Variants in NAALADL2 observed in about 807,000 individuals in gnomAD.
NAALADL2 encodes the protein inactive N-acetylated-alpha-linked acidic dipeptidase-like protein 2.
Under a neutral mutation model 87.2 loss-of-function variants are expected in NAALADL2, and 76 were observed. The ratio of observed to expected loss-of-function variants is 0.87; its 90% CI spans 0.72 to 1.05. The LOEUF is 1.05. NAALADL2 is among the 50% of genes least tolerant of loss of function. NAALADL2 has a pLI of 0.00. For missense variants in NAALADL2, 1,089 were observed against 945.8 expected, an observed-to-expected ratio of 1.15 and a Z score of -1.99; for synonymous variants, 354 against 331.0, an observed-to-expected ratio of 1.07 and a Z score of -0.75.
intron 1 of NAALADL2, among the ~76,000 whole-genome samples, chr3:174,515,590 A>C (rs1719893411): frequency 6.6e-6 from 1 of 151,934 alleles, no homozygotes; most frequent in Admixed American, 6.6e-5. Flanking sequence ...TATATTAATA[A>C]ATATTATAGA....
chr3:174,940,235 T>C lies in NAALADL2; in HGVS notation c.43+80785T>C, dbSNP rs1738372460. Among the ~76,000 whole-genome samples, 2 of 152,122 alleles carry C rather than the reference T, an allele frequency of 1.3e-5. 1 individual carries two copies. The highest frequency in any genetic ancestry group is 4.1e-4 in the South Asian group (2 of 4,828). On this transcript the variant is annotated intron_variant, in intron 1 of 13. Coordinates refer to ENST00000454872, the MANE Select transcript of NAALADL2 (RefSeq NM_207015.3). The stretch of plus-strand genomic sequence containing the variant: ...ATAACATGAAGGAGTGTTGAGTTTT[T>C]TCAAAAGCCTTTTATGCATCCATTG...
chr3:175,390,084 A>C (rs1051801385), intron 5 of NAALADL2, among the ~76,000 whole-genome samples: 2 of 152,108 alleles, frequency 1.3e-5, no homozygotes, highest in Non-Finnish European at 2.9e-5. Context: ...AAAAAATAGA[A>C]CTTTAAGAGC....
intron 1 of NAALADL2, among the ~76,000 whole-genome samples, chr3:174,885,113 C>T (rs1346179915): frequency 1.3e-5 from 2 of 152,086 alleles, no homozygotes; most frequent in Admixed American, 6.6e-5. Flanking sequence ...CCTCAGTGTC[C>T]CCATTGTCAT....
intron 3 of NAALADL2, among the ~76,000 whole-genome samples, chr3:174,739,378 C>T (rs562777983): frequency 1.1e-4 from 17 of 152,072 alleles, no homozygotes; most frequent in Admixed American, 5.9e-4. Context: ...ACAAGAAAAT[C>T]GGATGAAGAT....
chr3:174,786,888 A>G (rs1296508012), intron 3 of NAALADL2, among the ~76,000 whole-genome samples: 5 of 152,178 alleles, frequency 3.3e-5, no homozygotes, highest in African/African-American at 4.8e-5. Flanking sequence ...TATGAAATAA[A>G]TATAGATATT....
chr3:174,951,402 C>T (rs190505767), intron 1 of NAALADL2, among the ~76,000 whole-genome samples: 26 of 152,020 alleles, frequency 1.7e-4, no homozygotes, highest in Admixed American at 1.1e-3. Context: ...CTGACAGATA[C>T]GACTCAACTA....
chr3:175,059,105 C>T (rs117823524), intron 1 of NAALADL2, among the ~76,000 whole-genome samples: 4 of 152,296 alleles, frequency 2.6e-5, no homozygotes, highest in South Asian at 2.1e-4. Context: ...AATGACACTT[C>T]GTGTGAAGTC....
chr3:175,512,586 C>A (rs1003343327), intron 9 of NAALADL2, among the ~76,000 whole-genome samples: 1 of 151,938 alleles, frequency 6.6e-6, no homozygotes, highest in Non-Finnish European at 1.5e-5. Context: ...TCTGCTTTTC[C>A]ACGATTATTT....
intron 2 of NAALADL2, among the ~76,000 whole-genome samples, chr3:174,701,317 T>C (rs759571629): frequency 3.9e-5 from 6 of 151,938 alleles, no homozygotes; most frequent in Admixed American, 1.3e-4. Context: ...GTTGAGCAGA[T>C]GCCAGAGAAG....
chr3:175,656,316 T>G (rs2149800057), intron 11 of NAALADL2, among the ~76,000 whole-genome samples: 1 of 152,354 alleles, frequency 6.6e-6, no homozygotes, highest in African/African-American at 2.4e-5. Context: ...ATTTGTTTAA[T>G]ATCTAATTCT....
intron 2 of NAALADL2, among the ~76,000 whole-genome samples, chr3:175,119,968 A>G (rs754800418): frequency 6.6e-6 from 1 of 150,484 alleles, no homozygotes; most frequent in Non-Finnish European, 1.5e-5. Flanking sequence ...TGAGAGGGGA[A>G]AGGCCGGTGT....
At chr3:175,071,616 G>A (rs905655473) in intron 1 of NAALADL2, among the ~76,000 whole-genome samples, 5 of 151,976 alleles carry the variant, frequency 3.3e-5, no homozygotes. Flanking sequence ...GTGTGAGATT[G>A]TGTACCGTCC....
At chr3:175,623,854 T>G (rs1368290908) in intron 10 of NAALADL2, among the ~76,000 whole-genome samples, 1 of 151,374 alleles carries the variant, frequency 6.6e-6, no homozygotes, top group Non-Finnish European at 1.5e-5. Context: ...GATGGTTTGT[T>G]TTTTGTTTCT....
At chr3:174,758,659 G>T (rs1712467390) in intron 3 of NAALADL2, among the ~76,000 whole-genome samples, 1 of 152,146 alleles carries the variant, frequency 6.6e-6, no homozygotes. Context: ...ATCGACTGTG[G>T]GGTAGCAGAA....
chr3:174,932,578 T>C (rs934679571), intron 1 of NAALADL2, among the ~76,000 whole-genome samples: 1 of 152,116 alleles, frequency 6.6e-6, no homozygotes, highest in Non-Finnish European at 1.5e-5. Context: ...ATGGGTGAAT[T>C]GCTGGGCTTT....
At chr3:174,643,714 T>C (rs1723491835) in intron 2 of NAALADL2, among the ~76,000 whole-genome samples, 1 of 152,196 alleles carries the variant, frequency 6.6e-6, no homozygotes, top group African/African-American at 2.4e-5. Context: ...GGAAATACCA[T>C]TTTGAGCATG....
chr3:175,751,412 A>T (rs1040350303), intron 12 of NAALADL2, among the ~76,000 whole-genome samples: 3 of 152,130 alleles, frequency 2.0e-5, no homozygotes, highest in Admixed American at 2.0e-4. Flanking sequence ...CTGAGAAAAA[A>T]AAAGTCAGTA....
intron 11 of NAALADL2, among the ~76,000 whole-genome samples, chr3:175,636,877 C>A (rs2184209): frequency 0.25 from 37,801 of 151,900 alleles, 5,182 homozygotes; most frequent in African/African-American, 0.37. Flanking sequence ...CATTTTAAGA[C>A]ACAGTTTCTT....
intron 2 of NAALADL2, among the ~76,000 whole-genome samples, chr3:174,571,856 A>C (rs1293599975): frequency 6.6e-6 from 1 of 152,214 alleles, no homozygotes; most frequent in African/African-American, 2.4e-5. Flanking sequence ...ACATTGAATA[A>C]ATTGAATTAC....
Sources: allele counts gnomAD v4.1 joint callset (sites outside exome capture counted in the v4.1 genomes callset), GRCh38; gene constraint gnomAD v4.1.1; transcripts MANE v1.5; gene names NCBI Gene and HGNC (gene_info 2026-07-23, HGNC 2026-07-21).